The following LCLAT1 variants were observed in gnomAD, a reference collection of about 807,000 sequenced individuals.
The protein encoded by LCLAT1 is 1-AGP acyltransferase 8.
Under a neutral mutation model 30.7 loss-of-function variants are expected in LCLAT1, and 11 were observed. The ratio of observed to expected loss-of-function variants is 0.36; its 90% CI spans 0.23 to 0.59. The LOEUF is 0.59. Among genes scored for constraint, LCLAT1 ranks in the 20% least tolerant of loss-of-function variants. LCLAT1 has a pLI of 0.77. For synonymous variants in LCLAT1, 155 were observed against 151.3 expected, an observed-to-expected ratio of 1.02 and a Z score of -0.18; for missense variants, 402 against 458.6, an observed-to-expected ratio of 0.88 and a Z score of 1.13.
intron 2 of LCLAT1, among the ~76,000 whole-genome samples, chr2:30,528,685 C>A (rs147924896): frequency 2.0e-5 from 3 of 152,264 alleles, no homozygotes; most frequent in African/African-American, 7.2e-5. Flanking sequence ...GATAATTTCA[C>A]CTATTCCTAA....
chr2:30,466,274 T>G (rs949345848), intron 1 of LCLAT1, among the ~76,000 whole-genome samples: 1 of 128,252 alleles, frequency 7.8e-6, no homozygotes, highest in African/African-American at 2.8e-5. Context: ...TCTTTTTTTT[T>G]TCTTTGAGAC....
At chr2:30,459,873 A>G (rs1682024608) in intron 1 of LCLAT1, 1 of 547,656 alleles carries the variant, frequency 1.8e-6, no homozygotes, top group South Asian at 2.6e-5. Flanking sequence ...TCATTGAAAA[A>G]TAAGCATTCA....
At chr2:30,634,445 G>A (rs1029609755) in intron 5 of LCLAT1, among the ~76,000 whole-genome samples, 1 of 152,172 alleles carries the variant, frequency 6.6e-6, no homozygotes, top group South Asian at 2.1e-4. Context: ...GGCCAACATG[G>A]TGAAACCCCA....
chr2:30,529,677 G>C (rs1224059354), intron 2 of LCLAT1, among the ~76,000 whole-genome samples: 1 of 152,186 alleles, frequency 6.6e-6, no homozygotes, highest in Non-Finnish European at 1.5e-5. Flanking sequence ...CAGGGCACAA[G>C]TTTCTTCCAC....
intron 3 of LCLAT1, among the ~76,000 whole-genome samples, chr2:30,534,095 T>A (rs1450725379): frequency 6.6e-6 from 1 of 152,216 alleles, no homozygotes; most frequent in Non-Finnish European, 1.5e-5. Flanking sequence ...TTAAACTATG[T>A]ACCCTCTTAA....
intron 5 of LCLAT1, among the ~76,000 whole-genome samples, chr2:30,581,578 A>T (rs1666215451): frequency 6.6e-6 from 1 of 152,234 alleles, no homozygotes; most frequent in South Asian, 2.1e-4. Flanking sequence ...CTATTCAGCC[A>T]TAAAAAGAAT....
rs1454242683 is a variant in LCLAT1, at chr2:30,642,461, G to T, written c.*1842G>T. 6.7e-6 allele frequency: 1 copy of T among 148,802 alleles called. No individual in the cohort carries two copies. Among genetic ancestry groups the T allele is most frequent in the Non-Finnish European group, 1.5e-5 (1 of 67,314 alleles). 9.2% of individuals were successfully genotyped at this position (148,802 alleles called of 1,614,324 possible). ...TTGTTGTTTCCCCTTAATAAAAGAG[G>T]TTTCTAATTTATGTTTCTCTAAGAT... On this transcript the variant is annotated 3_prime_UTR_variant, in exon 6 of 6. Coordinates refer to ENST00000379509, the MANE Select transcript of LCLAT1 (RefSeq NM_001002257.3).
intron 1 of LCLAT1, among the ~76,000 whole-genome samples, chr2:30,500,840 C>T (rs1021284217): frequency 1.6e-4 from 24 of 152,148 alleles, no homozygotes; most frequent in African/African-American, 5.3e-4. Flanking sequence ...TTGACCCTCT[C>T]GGGCTTAAAA....
At chr2:30,591,776 T>C (rs993627157) in intron 5 of LCLAT1, among the ~76,000 whole-genome samples, 1 of 152,170 alleles carries the variant, frequency 6.6e-6, no homozygotes, top group Non-Finnish European at 1.5e-5. Context: ...ATTTCAGCTT[T>C]CTTTGCTTAT....
intron 1 of LCLAT1, among the ~76,000 whole-genome samples, chr2:30,448,275 C>G (rs890778394): frequency 6.6e-6 from 1 of 152,132 alleles, no homozygotes; most frequent in Admixed American, 6.6e-5. Flanking sequence ...CTTATTTGTT[C>G]AAAGAAACGT....
At chr2:30,555,810 G>T (rs1664888579) in intron 3 of LCLAT1, among the ~76,000 whole-genome samples, 1 of 150,764 alleles carries the variant, frequency 6.6e-6, no homozygotes. Context: ...TACAATAGGG[G>T]TCAACAAACT....
intron 1 of LCLAT1, among the ~76,000 whole-genome samples, chr2:30,481,154 G>A (rs1274943523): frequency 2.0e-5 from 3 of 152,212 alleles, no homozygotes; most frequent in Non-Finnish European, 4.4e-5. Context: ...GAACCTGGCA[G>A]AAGAGGTTAG....
At chr2:30,560,790 C>T (rs1185384535) in intron 3 of LCLAT1, among the ~76,000 whole-genome samples, 1 of 152,140 alleles carries the variant, frequency 6.6e-6, no homozygotes, top group Non-Finnish European at 1.5e-5. Flanking sequence ...TTTATTATTC[C>T]TCTATTCCTG....
chr2:30,634,946 C>T (rs1023040562), intron 5 of LCLAT1, among the ~76,000 whole-genome samples: 3 of 152,194 alleles, frequency 2.0e-5, no homozygotes, highest in African/African-American at 7.2e-5. Flanking sequence ...GTACTGGCTC[C>T]CTGTGCCAGA....
At chr2:30,640,092 A>C in intron 5 of LCLAT1, 25 bp from the exon 6 acceptor site, 1 of 1,583,026 alleles carries the variant, frequency 6.3e-7, no homozygotes, top group Non-Finnish European at 8.6e-7. Flanking sequence ...TGCTTAATCT[A>C]TGTTTTCATC....
chr2:30,450,084 G>A (rs974995814), intron 1 of LCLAT1, among the ~76,000 whole-genome samples: 1 of 152,212 alleles, frequency 6.6e-6, no homozygotes, highest in African/African-American at 2.4e-5. Flanking sequence ...CCCTTGAGGA[G>A]TTCAGGGAGA....
chr2:30,604,149 G>T (rs1391984232), intron 5 of LCLAT1, among the ~76,000 whole-genome samples: 1 of 152,198 alleles, frequency 6.6e-6, no homozygotes. Flanking sequence ...CCAGAGAGCA[G>T]ATGTAATGAG....
chr2:30,471,207 C>T lies in LCLAT1; in HGVS notation c.-5+23824C>T, dbSNP rs569001524. Among the ~76,000 whole-genome samples, 5 of 149,370 alleles carry T rather than the reference C, an allele frequency of 3.3e-5. No individual in the cohort carries two copies. The East Asian group carries it at 8.0e-4, about 24-fold the overall frequency. On this transcript the variant is annotated intron_variant, in intron 1 of 5. Transcript: ENST00000379509. ...GATTACTGGCATGAGCCACTGCACC[C>T]GGCCTATTTATTTATTTTCTAAGAT...
chr2:30,547,807 G>A (rs1664493669), intron 3 of LCLAT1, among the ~76,000 whole-genome samples: 1 of 152,042 alleles, frequency 6.6e-6, no homozygotes, highest in Non-Finnish European at 1.5e-5. Flanking sequence ...TTGTTTATAT[G>A]ACTTTTAGAT....
Sources: gnomAD v4.1 joint callset for allele counts (sites outside exome capture counted in the v4.1 genomes callset) on GRCh38, gnomAD v4.1.1 for gene constraint, MANE v1.5 for transcripts, NCBI Gene and HGNC (gene_info 2026-07-23, HGNC 2026-07-21) for gene names.